XXYLT1: variants seen among roughly 807,000 people sequenced by gnomAD.
XXYLT1 encodes the protein UDP-xylose:alpha-xyloside alpha-1,3-xylosyltransferase.
In XXYLT1, 20 loss-of-function variants were observed where a neutral mutation model predicts 28.9. The observed-to-expected ratio is 0.69, with a 90% CI of 0.49 to 1.00. XXYLT1 has a LOEUF of 1.00. XXYLT1 is among the 50% of genes least tolerant of loss of function. The pLI, the probability that XXYLT1 is intolerant of heterozygous loss-of-function variation, is 0.00. For synonymous variants in XXYLT1, 257 were observed against 253.8 expected (o/e 1.01, Z -0.12); for missense variants, 542 against 560.1 (o/e 0.97, Z 0.33).
intron 1 of XXYLT1, among the ~76,000 whole-genome samples, chr3:195,228,781 C>T (rs938664251): frequency 1.3e-5 from 2 of 151,880 alleles, no homozygotes; most frequent in African/African-American, 4.8e-5. Flanking sequence ...ATCCACCACA[C>T]CCGGCCTATT....
chr3:195,143,857 TATATATAGATATAG>T lies in XXYLT1; in HGVS notation c.785+12578_785+12591del, dbSNP rs1448589045. 2.7e-3 allele frequency among the ~76,000 whole-genome samples: 262 copies of T among 97,004 alleles called. 10 individuals are homozygous for T. Among genetic ancestry groups the T allele is most frequent in the East Asian group, 0.016 (23 of 1,468 alleles). 63.6% of individuals were successfully genotyped at this position (97,004 alleles called of 152,430 possible). On this transcript the variant is annotated intron_variant, in intron 3 of 3. Coordinates refer to ENST00000310380, the MANE Select transcript of XXYLT1 (RefSeq NM_152531.5). ...ATATAGATATAGATATATATATAGATATATATAGATATAGATATATATATATATATATTTATTTT... is the reference window on the plus strand; with the variant it reads ...ATATAGATATAGATATATATATAGATATATATATATATATATATTTATTTT...
At chr3:195,229,636 CAA>C (rs1234305512) in intron 1 of XXYLT1, among the ~76,000 whole-genome samples, 1 of 152,192 alleles carries the variant, frequency 6.6e-6, no homozygotes, top group African/African-American at 2.4e-5. Context: ...TAAGAACATG[CAA>C]AGTTTGTCTT....
rs187403440 is a variant in XXYLT1 at position 195,115,936 on chromosome 3, G to A, written c.785+40513C>T. On this transcript the variant is annotated intron_variant, in intron 3 of 3. Coordinates refer to ENST00000310380, the MANE Select transcript of XXYLT1 (RefSeq NM_152531.5). The surrounding 1 kb of genome is among the most constrained non-coding windows in gnomAD (Gnocchi z 4.2). ...AGGGACAGTGATAAGGAGCTGGGCCGCTCAGGAGATGGCAGGAAACTCAAG... is the reference window on the plus strand; with the variant it reads ...AGGGACAGTGATAAGGAGCTGGGCCACTCAGGAGATGGCAGGAAACTCAAG... Among the ~76,000 whole-genome samples the A allele has an allele frequency of 7.2e-5, 11 of 152,296 alleles. No individual in the cohort carries two copies. In the East Asian group the frequency reaches 1.5e-3, roughly 21 times the overall value.
rs1021463491 is a variant in XXYLT1 at position 195,168,125 on chromosome 3, C to T, written c.653-11544G>A. On this transcript the variant is annotated intron_variant, in intron 2 of 3. Coordinates refer to ENST00000310380, the MANE Select transcript of XXYLT1 (RefSeq NM_152531.5). The surrounding 1 kb of genome is among the most constrained non-coding windows in gnomAD (Gnocchi z 4.3). Reference sequence around the variant, plus strand: ...GCCCTGGGATAGAGCCGTGGCTCACCGGCCTGGCTATGGCACTGCGTCCAA... The same window carrying T: ...GCCCTGGGATAGAGCCGTGGCTCACTGGCCTGGCTATGGCACTGCGTCCAA... Among the ~76,000 whole-genome samples the T allele has an allele frequency of 2.6e-5, 4 of 152,268 alleles. No homozygotes were observed. Among genetic ancestry groups the T allele is most frequent in the African/African-American group, 4.8e-5 (2 of 41,542 alleles).
intron 2 of XXYLT1, among the ~76,000 whole-genome samples, chr3:195,158,770 T>A (rs933361039): frequency 6.6e-6 from 1 of 152,236 alleles, no homozygotes; most frequent in African/African-American, 2.4e-5. Flanking sequence ...TCCAGGAGGT[T>A]AGCCCCTTCA....
At chr3:195,120,986 G>C (rs1402121944) in intron 3 of XXYLT1, among the ~76,000 whole-genome samples, 1 of 152,240 alleles carries the variant, frequency 6.6e-6, no homozygotes, top group Non-Finnish European at 1.5e-5. Context: ...AGGAGAGTGT[G>C]AGGGTGTGTG....
chr3:195,254,010 C>G (rs1725380585), intron 1 of XXYLT1, among the ~76,000 whole-genome samples: 2 of 152,204 alleles, frequency 1.3e-5, no homozygotes, highest in Admixed American at 1.3e-4. Flanking sequence ...CACGGGGGTG[C>G]CCACTGCCCA....
chr3:195,197,605 T>C (rs924197372), intron 2 of XXYLT1, among the ~76,000 whole-genome samples: 1 of 152,174 alleles, frequency 6.6e-6, no homozygotes, highest in Non-Finnish European at 1.5e-5. Context: ...AGCATCATAG[T>C]ATGGCATCAT....
chr3:195,106,975 G>A (rs1277292551), intron 3 of XXYLT1, among the ~76,000 whole-genome samples: 6 of 152,168 alleles, frequency 3.9e-5, no homozygotes, highest in Admixed American at 3.9e-4. Flanking sequence ...AACGGCTCCC[G>A]GATGGTAATA....
At position 195,099,175 on chromosome 3, in the gene XXYLT1, T is replaced by A. The variant is rs140615880; in HGVS notation, c.786-29064A>T. Among the ~76,000 whole-genome samples the A allele has an allele frequency of 1.6e-4, 25 of 152,200 alleles. No individual in the cohort carries two copies. The East Asian group carries it at 4.8e-3, about 29-fold the overall frequency. On this transcript the variant is annotated intron_variant, in intron 3 of 3. Transcript: ENST00000310380. ...GCTTGCTGTTGAAGAGGGTCTATTT[T>A]CTCCTCTCCCTCTCCCTTCCCAAGA...
intron 2 of XXYLT1, among the ~76,000 whole-genome samples, chr3:195,213,738 G>A (rs912590002): frequency 1.3e-5 from 2 of 152,218 alleles, no homozygotes; most frequent in Admixed American, 6.5e-5. Flanking sequence ...AAAGGGAAAA[G>A]TACTAATACT....
At chr3:195,268,009 A>G (rs1343240405) in intron 1 of XXYLT1, among the ~76,000 whole-genome samples, 2 of 152,186 alleles carry the variant, frequency 1.3e-5, no homozygotes, top group African/African-American at 4.8e-5. Flanking sequence ...TGGGAATGCC[A>G]GGTGCAGTGG....
intron 2 of XXYLT1, among the ~76,000 whole-genome samples, chr3:195,166,577 G>T (rs1220635519): frequency 1.3e-5 from 2 of 152,134 alleles, no homozygotes; most frequent in Non-Finnish European, 2.9e-5. Flanking sequence ...TCCTGGCCCC[G>T]GATTGCATGT....
chr3:195,263,152 C>G (rs781767061), intron 1 of XXYLT1, among the ~76,000 whole-genome samples: 2 of 152,218 alleles, frequency 1.3e-5, no homozygotes, highest in Non-Finnish European at 2.9e-5. Flanking sequence ...CACCAATGAG[C>G]TAAGGTATTC....
At chr3:195,207,537 T>C (rs763235908) in intron 2 of XXYLT1, 7 of 452,022 alleles carry the variant, frequency 1.5e-5, no homozygotes, top group Non-Finnish European at 2.2e-5. Context: ...TACCACATCC[T>C]CCTCAAAGCC....
At chr3:195,250,564 C>CAA (rs112929194) in intron 1 of XXYLT1, among the ~76,000 whole-genome samples, 14 of 107,350 alleles carry the variant, frequency 1.3e-4, no homozygotes, top group South Asian at 6.0e-4. Flanking sequence ...AACTCCATCT[C>CAA]AAAAAAAAAA....
At chr3:195,149,777 T>C (rs533626696) in intron 3 of XXYLT1, among the ~76,000 whole-genome samples, 1 of 152,322 alleles carries the variant, frequency 6.6e-6, no homozygotes, top group South Asian at 2.1e-4. Context: ...TACCTTACAA[T>C]GTTTAGGGTA....
intron 1 of XXYLT1, chr3:195,247,685 G>T (rs910796012): frequency 1.3e-5 from 8 of 614,706 alleles, no homozygotes; most frequent in Non-Finnish European, 2.4e-5. Flanking sequence ...GGCAGGCTCA[G>T]CTGCTGTATT....
chr3:195,253,485 TC>T (rs1167942932), intron 1 of XXYLT1, among the ~76,000 whole-genome samples: 2 of 150,430 alleles, frequency 1.3e-5, no homozygotes, highest in African/African-American at 2.4e-5. Context: ...CTTCAACTGC[TC>T]ACATTTCTTT....
Sources: allele counts gnomAD v4.1 joint callset (sites outside exome capture counted in the v4.1 genomes callset), GRCh38; gene constraint gnomAD v4.1.1; non-coding constraint Gnocchi (gnomAD v3.1); transcripts MANE v1.5; gene names NCBI Gene and HGNC (gene_info 2026-07-23, HGNC 2026-07-21).